Variants in PPP1R7 observed in about 807,000 individuals in gnomAD.
PPP1R7 encodes the protein protein phosphatase 1 regulatory subunit 22.
Under a neutral mutation model 45.2 loss-of-function variants are expected in PPP1R7, and 18 were observed. The ratio of observed to expected loss-of-function variants is 0.40; its 90% CI spans 0.28 to 0.59. The LOEUF is 0.59. Ranked by LOEUF, PPP1R7 falls within the 20% of genes least tolerant of loss-of-function variation. The pLI is 0.46. For synonymous variants in PPP1R7, 181 were observed against 183.4 expected, an observed-to-expected ratio of 0.99 and a Z score of 0.11; for missense variants, 314 against 455.8, an observed-to-expected ratio of 0.69 and a Z score of 2.83.
intron 2 of PPP1R7, among the ~76,000 whole-genome samples, chr2:241,156,513 A>G (rs1158237623): frequency 2.0e-5 from 3 of 152,142 alleles, no homozygotes; most frequent in East Asian, 1.9e-4. Context: ...TGTACAAAAC[A>G]TGGTTTTAAA....
At chr2:241,153,715 G>A (rs993336607) in intron 2 of PPP1R7, 111 bp downstream of exon 2, 149 of 1,409,234 alleles carry the variant, frequency 1.1e-4, no homozygotes, top group South Asian at 2.5e-4. Context: ...AAGGACTGCC[G>A]TGCTCCTTAG....
chr2:241,154,442 C>T (rs1298000132), intron 2 of PPP1R7, among the ~76,000 whole-genome samples: 2 of 152,116 alleles, frequency 1.3e-5, no homozygotes, highest in East Asian at 3.9e-4. Flanking sequence ...AATCCTAGCA[C>T]TTTGGAAGGC....
Position 241,159,198 on chromosome 2 carries a change from T to C in PPP1R7, c.304-15T>C. The C allele has an allele frequency of 1.2e-6, 2 of 1,612,084 alleles. No homozygotes were observed. The highest frequency in any genetic ancestry group is 1.1e-5 in the South Asian group (1 of 90,884). ...CCCCTTGCCTGTGTCAATTGTCCCT[T>C]TTCCCATCCCCCAGACTCTCTGCCT... On this transcript the variant is annotated splice_polypyrimidine_tract_variant and intron_variant, in intron 4 of 9. Transcript: ENST00000234038.
rs578167083 is a variant in PPP1R7 at position 241,162,645 on chromosome 2, G to A, written c.598-640G>A. ...CAAAGACTTGAGGTCAGAGTGCCCC[G>A]TACCTCTCTTCTGTAGAGACTGAGG... On this transcript the variant is annotated intron_variant, in intron 6 of 9. Coordinates refer to ENST00000234038, the MANE Select transcript of PPP1R7 (RefSeq NM_002712.3). 1.1e-4 allele frequency among the ~76,000 whole-genome samples: 16 copies of A among 151,580 alleles called. 1 individual carries two copies. The highest frequency in any genetic ancestry group is 9.8e-4 in the Admixed American group (15 of 15,244).
upstream of PPP1R7, chr2:241,150,249 T>C: frequency 7.7e-7 from 1 of 1,290,382 alleles, no homozygotes; most frequent in Non-Finnish European, 9.8e-7. Context: ...CCCTCTGCTT[T>C]CCTTCCCAGC....
intron 1 of PPP1R7, among the ~76,000 whole-genome samples, chr2:241,152,692 A>G (rs1265095761): frequency 1.3e-5 from 2 of 152,236 alleles, no homozygotes; most frequent in Admixed American, 1.3e-4. Context: ...ATGGTTGATA[A>G]TTCCAAGTAA....
chr2:241,163,328 T>C lies in PPP1R7; in HGVS notation c.641T>C (p.Phe214Ser). The change falls in exon 7 of 10, where the codon TTT (phenylalanine) becomes TCT (serine). Residue 214 changes from phenylalanine (F) to serine (S), a missense_variant. This residue lies in a region of PPP1R7 where 168 missense variants were observed against 285.3 expected (regional missense o/e 0.59). Coordinates refer to ENST00000234038, the MANE Select transcript of PPP1R7 (RefSeq NM_002712.3). ...ACCTTAACCAACCTGGAGAGTTTGT[T>C]TTTGGGGAAAAACAAAATTACTAAA... ...IDTLTNLESL[F>S]LGKNKITKLQ... The C allele has an allele frequency of 6.2e-7, 1 of 1,613,982 alleles. No homozygotes were observed. The highest frequency in any genetic ancestry group is 2.2e-5 in the East Asian group (1 of 44,868).
intron 7 of PPP1R7, among the ~76,000 whole-genome samples, chr2:241,164,054 C>A (rs143564621): frequency 1.0e-3 from 157 of 152,288 alleles, no homozygotes; most frequent in African/African-American, 3.4e-3. Context: ...GTAGCTGGGA[C>A]TGCAGGTACA....
At chr2:241,159,542 G>A (rs914278588) in intron 5 of PPP1R7, among the ~76,000 whole-genome samples, 199 bp downstream of exon 5, 1 of 152,222 alleles carries the variant, frequency 6.6e-6, no homozygotes, top group African/African-American at 2.4e-5. Context: ...CTTCATGCAT[G>A]TCTTTGGCTT....
chr2:241,178,418 A>G (rs1314468777), intron 9 of PPP1R7, among the ~76,000 whole-genome samples: 1 of 149,184 alleles, frequency 6.7e-6, no homozygotes, highest in Non-Finnish European at 1.5e-5. Flanking sequence ...TTAGTATGTC[A>G]TCTGTGTTGC....
intron 6 of PPP1R7, among the ~76,000 whole-genome samples, chr2:241,161,791 G>A (rs1457332926): frequency 8.5e-5 from 13 of 152,216 alleles, no homozygotes. Flanking sequence ...AGGAGGGAGG[G>A]TTCCCGTGGG....
intron 7 of PPP1R7, among the ~76,000 whole-genome samples, chr2:241,164,083 A>C (rs563660133): frequency 6.6e-6 from 1 of 152,034 alleles, no homozygotes; most frequent in African/African-American, 2.4e-5. Context: ...TGCCTGGCTA[A>C]TTTTTGTATT....
chr2:241,179,864 T>G (rs1269803923), intron 9 of PPP1R7, among the ~76,000 whole-genome samples: 28 of 152,226 alleles, frequency 1.8e-4, no homozygotes, highest in Admixed American at 1.7e-3. Flanking sequence ...AAACACATTA[T>G]TTACACATTA....
intron 1 of PPP1R7, among the ~76,000 whole-genome samples, chr2:241,151,805 G>A (rs900482217): frequency 1.3e-5 from 2 of 152,070 alleles, no homozygotes; most frequent in South Asian, 2.1e-4. Flanking sequence ...CCAAATCTCC[G>A]ATACGTCCTC....
chr2:241,165,432 G>T (rs1477119468), intron 7 of PPP1R7, among the ~76,000 whole-genome samples: 1 of 152,148 alleles, frequency 6.6e-6, no homozygotes, highest in East Asian at 1.9e-4. Context: ...CTCCCAAAGT[G>T]CTGGGATTAT....
chr2:241,151,704 A>G (rs927573160), intron 1 of PPP1R7, among the ~76,000 whole-genome samples: 1 of 152,044 alleles, frequency 6.6e-6, no homozygotes, highest in Non-Finnish European at 1.5e-5. Context: ...TTGGTAAATG[A>G]CAGATATAAA....
rs775268713 is a variant in PPP1R7 at position 241,150,515 on chromosome 2, C to T, written c.20C>T (p.Ala7Val). Residue 7 changes from alanine (A) to valine (V), a missense_variant, in exon 1 of 10, where the codon GCG becomes GTG. This residue lies in a region of PPP1R7 where 34 missense variants were observed against 26.0 expected (regional missense o/e 1.31). Transcript: ENST00000234038. MAAERG[A>V]GQQQSQEMME... is the part of the protein sequence containing the mutation. The stretch of plus-strand genomic sequence containing the variant: ...GCCAACATGGCGGCGGAACGCGGCG[C>T]GGGGCAGCAACAGTCGCAGGAGATG... 3.6e-5 allele frequency: 57 copies of T among 1,598,114 alleles called. No homozygotes were observed. The South Asian group carries it at 5.4e-4, about 15-fold the overall frequency.
chr2:241,182,799 C>A lies in PPP1R7; in HGVS notation c.1059C>A (p.Ile353=). Residue 353 remains isoleucine (I), a synonymous_variant, in exon 10 of 10, where the codon ATC becomes ATA. Transcript: ENST00000234038. ...TCGCCCTCCCCTCCGTGCGGCAGAT[C>A]GATGCCACGTTCGTCAGGTTCTGAG... ...VMLALPSVRQ[I]DATFVRF The A allele has an allele frequency of 6.2e-7, 1 of 1,613,422 alleles. No homozygotes were observed. The highest frequency in any genetic ancestry group is 1.3e-5 in the African/African-American group (1 of 75,016).
intron 2 of PPP1R7, among the ~76,000 whole-genome samples, chr2:241,156,898 G>A (rs1028377809): frequency 1.3e-5 from 2 of 152,070 alleles, no homozygotes; most frequent in Non-Finnish European, 2.9e-5. Context: ...GCATGAGTCT[G>A]TGTATACCAC....
Sources: gnomAD v4.1 joint callset for allele counts (sites outside exome capture counted in the v4.1 genomes callset) on GRCh38, gnomAD v4.1.1 for gene constraint, gnomAD v4.1.1 regional missense constraint, MANE v1.5 for transcripts, NCBI Gene and HGNC (gene_info 2026-07-23, HGNC 2026-07-21) for gene names.